Variants in PAX7 observed in about 807,000 individuals in gnomAD.
The protein encoded by PAX7 is paired box protein Pax-7.
In PAX7, 18 loss-of-function variants were observed where a neutral mutation model predicts 50.7. The ratio of observed to expected loss-of-function variants is 0.36; its 90% CI spans 0.25 to 0.53. The LOEUF is 0.53. Ranked by LOEUF, PAX7 falls within the 20% of genes least tolerant of loss-of-function variation. PAX7 has a pLI of 0.93. For synonymous variants in PAX7, 310 were observed against 290.4 expected (o/e 1.07, Z -0.69); for missense variants, 644 against 702.9 (o/e 0.92, Z 0.95).
chr1:18,687,372 C>T (rs1330305330), intron 4 of PAX7, among the ~76,000 whole-genome samples: 1 of 152,148 alleles, frequency 6.6e-6, no homozygotes, highest in African/African-American at 2.4e-5. Context: ...CTGCCGAGAC[C>T]AGGATTCCTG....
intron 8 of PAX7, among the ~76,000 whole-genome samples, chr1:18,739,853 T>A (rs1283004269): frequency 2.0e-5 from 3 of 152,160 alleles, no homozygotes; most frequent in Non-Finnish European, 2.9e-5. Context: ...CATGGCAGAT[T>A]AATACGGCCC....
At chr1:18,687,865 C>T (rs1210312265) in intron 4 of PAX7, among the ~76,000 whole-genome samples, 2 of 151,994 alleles carry the variant, frequency 1.3e-5, no homozygotes, top group South Asian at 2.1e-4. Flanking sequence ...TCTGGATCCA[C>T]GGAGTTCCCC....
chr1:18,685,210 T>C (rs959637871), intron 4 of PAX7, among the ~76,000 whole-genome samples: 1 of 152,190 alleles, frequency 6.6e-6, no homozygotes, highest in Non-Finnish European at 1.5e-5. Flanking sequence ...GGGATAACAC[T>C]GCCTGCCTTC....
At position 18,683,567 on chromosome 1, in the gene PAX7, C is replaced by T. The variant is rs891142336; in HGVS notation, c.587-8187C>T. Among the ~76,000 whole-genome samples the T allele has an allele frequency of 7.9e-5, 12 of 152,284 alleles. No individual in the cohort carries two copies. The East Asian group carries it at 1.4e-3, about 17-fold the overall frequency. ...GTCAAGAATGCCCATTGGCCGGGTG[C>T]GGTGGCTCATGCCTGTAATCCCAGC... On this transcript the variant is annotated intron_variant, in intron 4 of 8. Coordinates refer to ENST00000420770, the MANE Select transcript of PAX7 (RefSeq NM_001135254.2).
Position 18,631,029 on chromosome 1 carries a change from C to A in PAX7, c.-575C>A. 4.4e-6 allele frequency: 1 copy of A among 226,206 alleles called. No individual in the cohort carries two copies. The allele number at this position is 226,206 out of a possible 1,614,324, so 14.0% of individuals were successfully genotyped here. A position where few individuals can be genotyped will look rare whatever the true frequency, so the allele number is the denominator to read the frequency against. On this transcript the variant is annotated 5_prime_UTR_variant, in exon 1 of 9. Coordinates refer to ENST00000420770, the MANE Select transcript of PAX7 (RefSeq NM_001135254.2). ...GTGAAAGCTGGTGTGGAGGGAGAAG[C>A]GAGTGTGGTCCGGAGAAAGAAGGCG... is the stretch of plus-strand genomic sequence containing the variant.
intron 7 of PAX7, among the ~76,000 whole-genome samples, chr1:18,706,335 C>T (rs959820709): frequency 1.3e-5 from 2 of 152,206 alleles, no homozygotes; most frequent in Non-Finnish European, 2.9e-5. Flanking sequence ...TAAGCTTCCC[C>T]GCTGGGCTGT....
In PAX7 at chr1:18,635,256, A is replaced by AT; in HGVS notation, c.451+16_451+17insT. ...GTGCCCTCAGGTGAGAAGGCAGCTG[A>AT]GCCGGCAGAGCTGGCCCAGAGTGTG... On this transcript the variant is annotated intron_variant, in intron 3 of 8. Transcript: ENST00000420770. The AT allele has an allele frequency of 6.2e-7, 1 of 1,612,476 alleles. No individual in the cohort carries two copies.
At chr1:18,740,790 C>T (rs1931089830) in intron 8 of PAX7, among the ~76,000 whole-genome samples, 1 of 152,190 alleles carries the variant, frequency 6.6e-6, no homozygotes, top group Non-Finnish European at 1.5e-5. Context: ...TATAGTGTAT[C>T]TACCCAGTGG....
intron 8 of PAX7, among the ~76,000 whole-genome samples, chr1:18,742,980 G>A (rs1451024446): frequency 6.6e-6 from 1 of 152,136 alleles, no homozygotes; most frequent in African/African-American, 2.4e-5. Flanking sequence ...TGTGCCCAGG[G>A]CCACATGAGC....
chr1:18,725,302 G>GCCC (rs3216186), intron 7 of PAX7, among the ~76,000 whole-genome samples: 8 of 106,352 alleles, frequency 7.5e-5, no homozygotes, highest in Non-Finnish European at 1.2e-4. Flanking sequence ...AGGTGGAGAC[G>GCCC]CCCCCCCCCC....
chr1:18,635,493 A>AGAAGGAAGGAAGGAAG (rs759818785), intron 3 of PAX7, among the ~76,000 whole-genome samples: 60 of 68,784 alleles, frequency 8.7e-4, no homozygotes, highest in African/African-American at 4.3e-3. Context: ...AAAGGGAGGA[A>AGAAGGAAGGAAGGAAG]GAAGGAAGGA....
chr1:18,683,536 A>G (rs1056119281), intron 4 of PAX7, among the ~76,000 whole-genome samples: 6 of 152,234 alleles, frequency 3.9e-5, no homozygotes, highest in Non-Finnish European at 7.3e-5. Context: ...GACTATCCAA[A>G]GGACAGTCAA....
intron 7 of PAX7, among the ~76,000 whole-genome samples, chr1:18,725,276 T>G (rs1365992996): frequency 6.9e-6 from 1 of 145,316 alleles, no homozygotes; most frequent in Non-Finnish European, 1.5e-5. Flanking sequence ...TGCATCCTCG[T>G]CTCCACCAAT....
chr1:18,725,612 G>A (rs1375568159), intron 7 of PAX7, among the ~76,000 whole-genome samples: 1 of 152,168 alleles, frequency 6.6e-6, no homozygotes, highest in Admixed American at 6.5e-5. Context: ...TTACAAAACG[G>A]CCATTTGCCG....
intron 4 of PAX7, among the ~76,000 whole-genome samples, chr1:18,672,688 C>A (rs1209812239): frequency 6.6e-6 from 1 of 150,584 alleles, no homozygotes; most frequent in Non-Finnish European, 1.5e-5. Flanking sequence ...TCACTGCAAC[C>A]TCCGCCTCCC....
chr1:18,655,940 G>C (rs1266691426), intron 4 of PAX7, among the ~76,000 whole-genome samples: 1 of 152,046 alleles, frequency 6.6e-6, no homozygotes, highest in Non-Finnish European at 1.5e-5. Flanking sequence ...ATCAAAGGCG[G>C]AACAGCTTGG....
In PAX7 at chr1:18,735,998, A is replaced by G. The variant is rs148028790; in HGVS notation, c.1402+120A>G. On this transcript the variant is annotated intron_variant, in intron 8 of 8. Transcript: ENST00000420770. This position sits in a 1 kb window ranked among gnomAD's most constrained non-coding sequence, Gnocchi z 4.0. ...AGGGTGGGGAATGTCCATTTCACAGATGGAAAAATTGAAGTCCAGCCAGAT... is the reference window on the plus strand; with the variant it reads ...AGGGTGGGGAATGTCCATTTCACAGGTGGAAAAATTGAAGTCCAGCCAGAT... The G allele has an allele frequency of 3.7e-6, 6 of 1,609,700 alleles. No homozygotes were observed. Among genetic ancestry groups the G allele is most frequent in the Admixed American group, 3.4e-5 (2 of 59,658 alleles).
intron 4 of PAX7, among the ~76,000 whole-genome samples, chr1:18,658,693 G>T (rs1395120302): frequency 6.6e-6 from 1 of 152,228 alleles, no homozygotes; most frequent in Non-Finnish European, 1.5e-5. Context: ...GGCTGACTAT[G>T]GCTCAGGCAG....
chr1:18,675,201 C>T (rs1444036776), intron 4 of PAX7, among the ~76,000 whole-genome samples: 1 of 152,086 alleles, frequency 6.6e-6, no homozygotes, highest in Non-Finnish European at 1.5e-5. Flanking sequence ...ATAGTGGACC[C>T]TCAGCAGCCC....
Sources: gnomAD v4.1 joint callset for allele counts (sites outside exome capture counted in the v4.1 genomes callset) on GRCh38, gnomAD v4.1.1 for gene constraint, Gnocchi (gnomAD v3.1) non-coding constraint, MANE v1.5 for transcripts, NCBI Gene and HGNC (gene_info 2026-07-23, HGNC 2026-07-21) for gene names.